Variants in PATJ observed in about 807,000 individuals in gnomAD.
PATJ encodes PATJ crumbs cell polarity complex component.
PATJ carries 190 observed loss-of-function variants against 224.9 expected under a neutral mutation model. The ratio of observed to expected loss-of-function variants is 0.84; its 90% CI spans 0.75 to 0.95. The LOEUF (loss-of-function observed/expected upper bound fraction) is 0.95, where lower values mean the gene tolerates loss of function less well. Among genes scored for constraint, PATJ ranks in the 40% least tolerant of loss-of-function variants. The probability of loss-of-function intolerance (pLI) is 0.00; values close to 1 mark genes in which losing one functional copy is unlikely to be tolerated. For synonymous variants in PATJ, 769 were observed against 820.3 expected (o/e 0.94, Z 1.07); for missense variants, 2,121 against 2,270.3 (o/e 0.93, Z 1.34).
intron 33 of PATJ, chr1:62,100,376 C>T: frequency 2.8e-6 from 2 of 718,416 alleles, no homozygotes; most frequent in Non-Finnish European, 5.2e-6. Context: ...GGCCTTCATG[C>T]TGCATCATCC....
intron 31 of PATJ, among the ~76,000 whole-genome samples, chr1:62,069,466 A>T (rs1657033925): frequency 6.6e-6 from 1 of 152,158 alleles, no homozygotes; most frequent in Non-Finnish European, 1.5e-5. Context: ...ACAGGCACAT[A>T]CTCAGGAGAT....
Position 62,079,348 on chromosome 1 carries a change from T to C in PATJ, c.4126-102T>C, listed in dbSNP as rs2148727099. The C allele has an allele frequency of 1.1e-5, 8 of 716,592 alleles. No individual in the cohort carries two copies. In the South Asian group the frequency reaches 1.4e-4, roughly 12 times the overall value. 44.4% of individuals were successfully genotyped at this position (716,592 alleles called of 1,614,324 possible). A position where few individuals can be genotyped will look rare whatever the true frequency, so the allele number is the denominator to read the frequency against. ...AACCTTATATTCTCAAAAGACATCA[T>C]TGGACTGCACCATTGTTTTGGTAAC... On this transcript the variant is annotated intron_variant, in intron 31 of 43. Coordinates refer to ENST00000642238, the MANE Select transcript of PATJ (RefSeq NM_001350145.3).
intron 27 of PATJ, among the ~76,000 whole-genome samples, chr1:61,933,959 G>A (rs148178698): frequency 2.3e-4 from 34 of 150,792 alleles, no homozygotes; most frequent in African/African-American, 8.1e-4. Context: ...TTTTCGAGAT[G>A]GAGTCTTGCT....
intron 28 of PATJ, among the ~76,000 whole-genome samples, chr1:61,994,149 T>C (rs917951649): frequency 6.6e-6 from 1 of 152,244 alleles, no homozygotes; most frequent in African/African-American, 2.4e-5. Context: ...GCTACCTCCT[T>C]TTTCAAATGG....
intron 27 of PATJ, among the ~76,000 whole-genome samples, chr1:61,968,658 C>T (rs112723971): frequency 0.14 from 20,517 of 151,882 alleles, 1,859 homozygotes; most frequent in Middle Eastern, 0.22. Flanking sequence ...GTGCTGCACC[C>T]GTTAACTTGT....
At chr1:61,770,658 T>C (rs1646547875) in intron 5 of PATJ, among the ~76,000 whole-genome samples, 1 of 152,048 alleles carries the variant, frequency 6.6e-6, no homozygotes, top group Non-Finnish European at 1.5e-5. Flanking sequence ...AGGGCTCAGA[T>C]TGGCCAAGCT....
intron 29 of PATJ, among the ~76,000 whole-genome samples, chr1:62,023,488 TG>T (rs1238544411): frequency 1.3e-5 from 2 of 152,194 alleles, no homozygotes; most frequent in African/African-American, 4.8e-5. Context: ...AATTTCTGTC[TG>T]AAAGGAGGAG....
At chr1:62,145,141 T>C (rs576054930) in intron 41 of PATJ, among the ~76,000 whole-genome samples, 1 of 152,342 alleles carries the variant, frequency 6.6e-6, no homozygotes, top group East Asian at 1.9e-4. Flanking sequence ...TGTTTAGGAC[T>C]ATCTAAGAGG....
intron 14 of PATJ, among the ~76,000 whole-genome samples, chr1:61,809,598 G>A (rs1044132130): frequency 4.6e-5 from 7 of 151,768 alleles, no homozygotes; most frequent in Non-Finnish European, 1.0e-4. Flanking sequence ...TGTTGGTCAC[G>A]CTGGTCTCCA....
chr1:61,869,689 G>A (rs1057234359), intron 20 of PATJ, among the ~76,000 whole-genome samples: 2 of 152,170 alleles, frequency 1.3e-5, no homozygotes, highest in African/African-American at 4.8e-5. Context: ...TGTTTACTCA[G>A]CCCACTGCTC....
At chr1:61,932,150 T>C (rs79743154) in intron 27 of PATJ, among the ~76,000 whole-genome samples, 3,540 of 152,196 alleles carry the variant, frequency 0.023, 97 homozygotes, top group African/African-American at 0.063. Flanking sequence ...CAGTAATTGA[T>C]AGTCATGGTC....
rs1668834000 is a variant in PATJ, at chr1:62,153,449, C to A, written c.5470C>A (p.Leu1824Met). ...VGGYGSPHGD[L>M]PIYVKTVFAK... ...GGGTTATGGAAGTCCCCATGGAGAC[C>A]TGCCAATTTATGTCAAGACTGTATT... Residue 1824 changes from leucine to methionine, a missense_variant, in exon 43 of 44, where the codon CTG (leucine) becomes ATG (methionine). Transcript: ENST00000642238. 8.1e-7 allele frequency: 1 copy of A among 1,231,606 alleles called. No homozygotes were observed. The highest frequency in any genetic ancestry group is 4.1e-5 in the South Asian group (1 of 24,302). 76.3% of individuals were successfully genotyped at this position (1,231,606 alleles called of 1,614,324 possible). A position where few individuals can be genotyped will look rare whatever the true frequency, so the allele number is the denominator to read the frequency against.
chr1:61,859,835 G>C (rs866129346), intron 18 of PATJ, among the ~76,000 whole-genome samples: 1 of 152,094 alleles, frequency 6.6e-6, no homozygotes, highest in African/African-American at 2.4e-5. Flanking sequence ...GGGCAGGTTG[G>C]TCTCAATCTC....
intron 41 of PATJ, among the ~76,000 whole-genome samples, chr1:62,133,192 A>G (rs1666442458): frequency 1.4e-5 from 2 of 141,696 alleles, no homozygotes; most frequent in South Asian, 2.1e-4. Context: ...GAAAAGTTCA[A>G]TGTGCTTCTA....
At chr1:62,118,486 G>T (rs979562588) in intron 37 of PATJ, among the ~76,000 whole-genome samples, 9 of 152,134 alleles carry the variant, frequency 5.9e-5, no homozygotes, top group Admixed American at 5.9e-4. Flanking sequence ...ATCTCAGACA[G>T]GGAAAATAGC....
At chr1:62,093,689 T>C (rs996184953) in intron 33 of PATJ, among the ~76,000 whole-genome samples, 1 of 152,208 alleles carries the variant, frequency 6.6e-6, no homozygotes, top group Non-Finnish European at 1.5e-5. Context: ...AGAATATGAA[T>C]ATAAGCAAAA....
chr1:61,961,565 T>C (rs1479196563), intron 27 of PATJ, among the ~76,000 whole-genome samples: 1 of 152,212 alleles, frequency 6.6e-6, no homozygotes, highest in African/African-American at 2.4e-5. Flanking sequence ...CAAAAAAATA[T>C]ATTTTGCAAA....
At chr1:61,814,761 A>G (rs754961952) in intron 14 of PATJ, among the ~76,000 whole-genome samples, 1 of 152,152 alleles carries the variant, frequency 6.6e-6, no homozygotes, top group Non-Finnish European at 1.5e-5. Flanking sequence ...CCTACAATAT[A>G]TAAGGGAGAT....
In PATJ at chr1:61,848,711, C is replaced by T. The variant is rs1286824; in HGVS notation, c.2113-7319C>T. On this transcript the variant is annotated intron_variant, in intron 17 of 43. Coordinates refer to ENST00000642238, the MANE Select transcript of PATJ (RefSeq NM_001350145.3). Reference sequence around the variant, plus strand: ...GATTACACTATGCCCGGCCAGCTGTCTCCCTTTTAAACTTAATGGTTTCTT... The same window carrying T: ...GATTACACTATGCCCGGCCAGCTGTTTCCCTTTTAAACTTAATGGTTTCTT... Among the ~76,000 whole-genome samples the T allele has an allele frequency of 4.2e-3, 639 of 152,254 alleles. 4 individuals are homozygous for T. The highest frequency in any genetic ancestry group is 0.015 in the African/African-American group (613 of 41,556).
Sources: allele counts gnomAD v4.1 joint callset (sites outside exome capture counted in the v4.1 genomes callset), GRCh38; gene constraint gnomAD v4.1.1; transcripts MANE v1.5; gene names NCBI Gene and HGNC (gene_info 2026-07-23, HGNC 2026-07-21).